PCNX2: variants seen among roughly 807,000 people sequenced by gnomAD.
PCNX2 encodes pecanex-like protein 2.
PCNX2 carries 168 observed loss-of-function variants against 223.8 expected under a neutral mutation model. The ratio of observed to expected loss-of-function variants is 0.75; its 90% CI spans 0.66 to 0.85. The LOEUF (loss-of-function observed/expected upper bound fraction) is 0.85, where lower values mean the gene tolerates loss of function less well. PCNX2 is among the 40% of genes least tolerant of loss of function. The pLI is 0.00. For synonymous variants in PCNX2, 1,006 were observed against 1,052.6 expected (o/e 0.96, Z 0.86); for missense variants, 2,507 against 2,675.5 (o/e 0.94, Z 1.39).
chr1:233,265,862 A>G (rs1255274269), intron 1 of PCNX2, among the ~76,000 whole-genome samples: 1 of 152,222 alleles, frequency 6.6e-6, no homozygotes, highest in Non-Finnish European at 1.5e-5. Flanking sequence ...TCACTTAGAA[A>G]AAAACTGGCA....
chr1:233,116,655 G>T (rs1558246588), intron 21 of PCNX2, among the ~76,000 whole-genome samples: 1 of 152,088 alleles, frequency 6.6e-6, no homozygotes, highest in East Asian at 1.9e-4. Context: ...CTAAAGCAGT[G>T]CACAGAAGGA....
intron 21 of PCNX2, among the ~76,000 whole-genome samples, chr1:233,106,951 A>C (rs116882655): frequency 1.3e-5 from 2 of 152,270 alleles, no homozygotes; most frequent in East Asian, 3.9e-4. Context: ...ATTTTTCCAT[A>C]TAACTGAAGC....
At position 232,990,464 on chromosome 1, in the gene PCNX2, A is replaced by G. The variant is rs1669657706; in HGVS notation, c.5792-3924T>C. Reference sequence around the variant, plus strand: ...ATGGTACATTTCAGGAGAGCCAACAAGATCGGCAGCTCTTGGCTCCACTGC... The same window carrying G: ...ATGGTACATTTCAGGAGAGCCAACAGGATCGGCAGCTCTTGGCTCCACTGC... On this transcript the variant is annotated intron_variant, in intron 32 of 33. Transcript: ENST00000258229. This position sits in a 1 kb window ranked among gnomAD's most constrained non-coding sequence, Gnocchi z 4.3. Among the ~76,000 whole-genome samples, 1 of 152,216 alleles carries G rather than the reference A, an allele frequency of 6.6e-6. No individual in the cohort carries two copies. The highest frequency in any genetic ancestry group is 1.5e-5 in the Non-Finnish European group (1 of 68,046).
At chr1:233,225,886 T>C (rs923264516) in intron 10 of PCNX2, among the ~76,000 whole-genome samples, 2 of 152,218 alleles carry the variant, frequency 1.3e-5, no homozygotes, top group Non-Finnish European at 2.9e-5. Context: ...TTGGGTAACA[T>C]AGTGTTGTTA....
chr1:233,047,385 G>C (rs1236483101), intron 25 of PCNX2: 23 of 985,138 alleles, frequency 2.3e-5, no homozygotes, highest in Non-Finnish European at 2.4e-5. Flanking sequence ...CATTAACTTG[G>C]ACCCTTTAAA....
At chr1:233,110,753 AAAT>A (rs1007733174) in intron 21 of PCNX2, among the ~76,000 whole-genome samples, 2 of 151,594 alleles carry the variant, frequency 1.3e-5, no homozygotes, top group Non-Finnish European at 2.9e-5. Flanking sequence ...AAGGAAGGAG[AAAT>A]AATGTTAAAA....
intron 12 of PCNX2, among the ~76,000 whole-genome samples, chr1:233,214,559 G>A (rs1450167314): frequency 6.6e-6 from 1 of 152,152 alleles, no homozygotes. Flanking sequence ...GCGATTCCGG[G>A]CACACTGCTC....
chr1:233,279,229 G>T (rs1661061043), intron 1 of PCNX2, among the ~76,000 whole-genome samples: 1 of 151,884 alleles, frequency 6.6e-6, no homozygotes, highest in African/African-American at 2.4e-5. Flanking sequence ...CTTTTTGTTT[G>T]TTTGTTTGAG....
At chr1:233,319,015 T>C in the PCNX2 span, among the ~76,000 whole-genome samples, 1 of 152,152 alleles carries the variant, frequency 6.6e-6, no homozygotes, top group African/African-American at 2.4e-5. Flanking sequence ...CCAGGACATT[T>C]GTCCACCTCA....
chr1:233,083,758 G>A (rs1673470451), intron 23 of PCNX2, among the ~76,000 whole-genome samples: 1 of 152,122 alleles, frequency 6.6e-6, no homozygotes, highest in African/African-American at 2.4e-5. Context: ...ACTGGCCCAG[G>A]TATCAAAATA....
intron 8 of PCNX2, among the ~76,000 whole-genome samples, chr1:233,249,240 T>C (rs1249682576): frequency 6.6e-6 from 1 of 152,228 alleles, no homozygotes; most frequent in East Asian, 1.9e-4. Context: ...AAATGACATA[T>C]ATTTATCCTG....
chr1:233,020,010 A>G (rs931641957), intron 26 of PCNX2, among the ~76,000 whole-genome samples: 5 of 152,222 alleles, frequency 3.3e-5, no homozygotes, highest in African/African-American at 1.2e-4. Context: ...TTTCTGCAAC[A>G]TGGCCTAATC....
At chr1:232,986,029 C>G in intron 33 of PCNX2, 63 bp downstream of exon 33, 1 of 1,528,286 alleles carries the variant, frequency 6.5e-7, no homozygotes, top group East Asian at 2.5e-5. Flanking sequence ...AGGTGCCACG[C>G]TCAGGCCAGG....
Position 233,218,180 on chromosome 1 carries a change from C to T in PCNX2, c.2509G>A (p.Glu837Lys), listed in dbSNP as rs2102928724. 1.1e-6 allele frequency: 1 copy of T among 931,886 alleles called. No individual in the cohort carries two copies. Among genetic ancestry groups the T allele is most frequent in the Admixed American group, 2.8e-5 (1 of 36,038 alleles). The allele number at this position is 931,886 out of a possible 1,614,324, so 57.7% of individuals were successfully genotyped here. The change falls in exon 11 of 34, where the codon GAA becomes AAA. Residue 837 changes from glutamate to lysine, a missense_variant. Physicochemically the swap from Glu to Lys is moderately conservative, Grantham distance 56. Coordinates refer to ENST00000258229, the MANE Select transcript of PCNX2 (RefSeq NM_014801.4). ...LTLLALLDRT[E>K]DIKENVLAIL... ...GCCAGTACATTCTCCTTGATGTCTT[C>T]AGTTCTGTGCAAAATATATACATAA... is the stretch of plus-strand genomic sequence containing the variant.
At chr1:233,024,014 G>A (rs1211629852) in intron 26 of PCNX2, among the ~76,000 whole-genome samples, 1 of 152,170 alleles carries the variant, frequency 6.6e-6, no homozygotes, top group African/African-American at 2.4e-5. Flanking sequence ...CTGGGCTCAG[G>A]CAAATCTCCT....
chr1:233,158,397 G>A (rs556818685), intron 19 of PCNX2, among the ~76,000 whole-genome samples: 2 of 152,108 alleles, frequency 1.3e-5, no homozygotes, highest in Non-Finnish European at 1.5e-5. Flanking sequence ...GAAAGGCACA[G>A]GTATAGGTAC....
At chr1:233,012,539 TGAGAGGATTCTCCCCA>T (rs1292379986) in intron 28 of PCNX2, among the ~76,000 whole-genome samples, 2 of 152,192 alleles carry the variant, frequency 1.3e-5, no homozygotes, top group Non-Finnish European at 2.9e-5. Context: ...CCTAGAATAC[TGAGAGGATTCTCCCCA>T]GAGTTACCTC....
chr1:233,027,037 T>C (rs931970160), intron 25 of PCNX2, among the ~76,000 whole-genome samples: 3 of 152,160 alleles, frequency 2.0e-5, no homozygotes, highest in African/African-American at 7.2e-5. Flanking sequence ...ACTCTGAGCA[T>C]TCCGACATTT....
chr1:233,026,488 C>G (rs903646818), intron 25 of PCNX2, among the ~76,000 whole-genome samples: 2 of 152,064 alleles, frequency 1.3e-5, no homozygotes, highest in Admixed American at 6.6e-5. Context: ...GCTTGCTGCC[C>G]AGAGAAAGGA....
Sources: allele counts gnomAD v4.1 joint callset (sites outside exome capture counted in the v4.1 genomes callset), GRCh38; gene constraint gnomAD v4.1.1; non-coding constraint Gnocchi (gnomAD v3.1); transcripts MANE v1.5; gene names NCBI Gene and HGNC (gene_info 2026-07-23, HGNC 2026-07-21).